The following SHISA9 variants were observed in gnomAD, a reference collection of about 807,000 sequenced individuals.
SHISA9 encodes the protein shisa family member 9.
Under a neutral mutation model 38.0 loss-of-function variants are expected in SHISA9, and 13 were observed. That is an observed-to-expected ratio of 0.34 (90% CI 0.22 to 0.54). The LOEUF (loss-of-function observed/expected upper bound fraction) is 0.54, where lower values mean the gene tolerates loss of function less well. Ranked by LOEUF, SHISA9 falls within the 20% of genes least tolerant of loss-of-function variation. The pLI is 0.91. For missense variants in SHISA9, 538 were observed against 575.8 expected (o/e 0.93, Z 0.67); for synonymous variants, 275 against 242.0 (o/e 1.14, Z -1.27).
chr16:13,190,111 G>C (rs2050868809), intron 2 of SHISA9, among the ~76,000 whole-genome samples: 1 of 151,490 alleles, frequency 6.6e-6, no homozygotes, highest in Non-Finnish European at 1.5e-5. Context: ...TTAAGTTTTA[G>C]GGTACATGTG....
the SHISA9 span, among the ~76,000 whole-genome samples, chr16:13,539,485 T>G: frequency 6.6e-6 from 1 of 151,616 alleles, no homozygotes; most frequent in African/African-American, 2.4e-5. Context: ...CCCTAACCAA[T>G]GCATTCTGTT....
At chr16:13,075,604 G>A (rs950284907) in intron 2 of SHISA9, among the ~76,000 whole-genome samples, 2 of 152,184 alleles carry the variant, frequency 1.3e-5, no homozygotes, top group Non-Finnish European at 2.9e-5. Context: ...TGCTGAGCAG[G>A]AGCGGCCCAT....
chr16:13,231,028 T>C (rs942340771), intron 4 of SHISA9, among the ~76,000 whole-genome samples: 1 of 152,218 alleles, frequency 6.6e-6, no homozygotes, highest in African/African-American at 2.4e-5. Context: ...GCCAGGCTTC[T>C]GTCTCATCCT....
At chr16:12,916,267 G>A (rs1358521580) in intron 1 of SHISA9, among the ~76,000 whole-genome samples, 3 of 152,112 alleles carry the variant, frequency 2.0e-5, no homozygotes, top group African/African-American at 7.2e-5. Flanking sequence ...CGATTAGCGT[G>A]GTGCCTGGCT....
At chr16:13,534,053 G>A in the SHISA9 span, among the ~76,000 whole-genome samples, 1 of 152,068 alleles carries the variant, frequency 6.6e-6, no homozygotes, top group African/African-American at 2.4e-5. Flanking sequence ...AAAGTGTTGG[G>A]ATTATAGGCG....
rs1426341824 is a variant in SHISA9 at position 12,902,522 on chromosome 16, T to G, written c.458T>G (p.Ile153Ser). The part of the protein sequence containing the change: ...HDPTKDKTNL[I>S]VYIICGVVAV... ...CCCACCAAGGACAAGACCAACCTGA[T>G]CGTCTACATCATCTGCGGGGTGGTG... Residue 153 changes from isoleucine (I) to serine (S), a missense_variant, in exon 1 of 5, where the codon ATC (isoleucine) becomes AGC (serine). By Grantham distance (142) the Ile-to-Ser change is moderately radical (BLOSUM62 -2). Around this residue, in one of 4 missense-constraint regions of SHISA9, gnomAD observed 88 missense variants for 109.7 expected, o/e 0.80. Transcript: ENST00000558583. 3 of 1,551,304 alleles carry G rather than the reference T, an allele frequency of 1.9e-6. No individual in the cohort carries two copies. The African/African-American group carries it at 4.1e-5, about 21-fold the overall frequency.
At chr16:13,137,452 A>C (rs984245951) in intron 2 of SHISA9, among the ~76,000 whole-genome samples, 1 of 151,756 alleles carries the variant, frequency 6.6e-6, no homozygotes, top group Non-Finnish European at 1.5e-5. Context: ...CGGAGGATCT[A>C]ATCTTTTTAT....
intron 2 of SHISA9, among the ~76,000 whole-genome samples, chr16:13,087,319 A>G (rs2141943406): frequency 6.6e-6 from 1 of 152,222 alleles, no homozygotes; most frequent in Admixed American, 6.5e-5. Flanking sequence ...AGCATGATTT[A>G]TAATCCTTTG....
At chr16:12,953,031 A>G (rs2071780344) in intron 2 of SHISA9, among the ~76,000 whole-genome samples, 1 of 152,212 alleles carries the variant, frequency 6.6e-6, no homozygotes, top group African/African-American at 2.4e-5. Context: ...ATAGTAAAGT[A>G]TGCAACTTCA....
At chr16:12,977,611 G>C (rs114256585) in intron 2 of SHISA9, among the ~76,000 whole-genome samples, 3 of 152,142 alleles carry the variant, frequency 2.0e-5, no homozygotes, top group Non-Finnish European at 4.4e-5. Flanking sequence ...TGTGGTACCT[G>C]TCACCATGGA....
At chr16:13,304,686 G>T in the SHISA9 span, among the ~76,000 whole-genome samples, 1 of 152,040 alleles carries the variant, frequency 6.6e-6, no homozygotes, top group African/African-American at 2.4e-5. Flanking sequence ...TTTTATTCCC[G>T]CAACAATCTT....
the SHISA9 span, among the ~76,000 whole-genome samples, chr16:13,276,324 T>C: frequency 6.6e-6 from 1 of 151,330 alleles, no homozygotes; most frequent in Admixed American, 6.6e-5. Flanking sequence ...GACTGACAGG[T>C]ATTTGGGCTG....
chr16:13,443,653 A>T, the SHISA9 span, among the ~76,000 whole-genome samples: 1 of 152,282 alleles, frequency 6.6e-6, no homozygotes, highest in South Asian at 2.1e-4. Context: ...TATTTAGTTT[A>T]TAGGGGCTCA....
chr16:13,033,403 T>C (rs2073015625), intron 2 of SHISA9, among the ~76,000 whole-genome samples: 1 of 152,134 alleles, frequency 6.6e-6, no homozygotes, highest in Non-Finnish European at 1.5e-5. Flanking sequence ...TTGGAAGCCA[T>C]TTAGATTCTA....
At chr16:13,403,353 C>T in the SHISA9 span, among the ~76,000 whole-genome samples, 3 of 152,088 alleles carry the variant, frequency 2.0e-5, no homozygotes, top group African/African-American at 7.2e-5. Flanking sequence ...TCTTTTATTC[C>T]TGATTGTAGT....
At chr16:13,234,113 G>T (rs2578584) in intron 4 of SHISA9, among the ~76,000 whole-genome samples, 28,470 of 152,154 alleles carry the variant, frequency 0.19, 2,902 homozygotes, top group Admixed American at 0.31. Context: ...ACATACAACT[G>T]TATTTGTAAT....
the SHISA9 span, among the ~76,000 whole-genome samples, chr16:13,300,802 C>A: frequency 1.3e-5 from 2 of 151,822 alleles, no homozygotes; most frequent in South Asian, 4.2e-4. Context: ...AAATGGAGCA[C>A]TTATTGGCTC....
chr16:13,285,919 T>C, the SHISA9 span, among the ~76,000 whole-genome samples: 1 of 152,132 alleles, frequency 6.6e-6, no homozygotes, highest in Non-Finnish European at 1.5e-5. Context: ...TCTTCTACCA[T>C]TTTAGTCATG....
chr16:13,357,409 G>T, the SHISA9 span, among the ~76,000 whole-genome samples: 1 of 152,270 alleles, frequency 6.6e-6, no homozygotes, highest in South Asian at 2.1e-4. Flanking sequence ...GGAGAAGAGA[G>T]TAAAAAGAGG....
Sources: gnomAD v4.1 joint callset for allele counts (sites outside exome capture counted in the v4.1 genomes callset) on GRCh38, gnomAD v4.1.1 for gene constraint, gnomAD v4.1.1 regional missense constraint, MANE v1.5 for transcripts, NCBI Gene and HGNC (gene_info 2026-07-23, HGNC 2026-07-21) for gene names.